Variants in WDR59 observed in about 807,000 individuals in gnomAD.
The protein encoded by WDR59 is GATOR2 complex protein WDR59.
Under a neutral mutation model 131.2 loss-of-function variants are expected in WDR59, and 100 were observed. The observed-to-expected ratio is 0.76, with a 90% CI of 0.65 to 0.90. WDR59 has a LOEUF of 0.90. WDR59 is among the 40% of genes least tolerant of loss of function. WDR59 has a pLI of 0.00. For missense variants in WDR59, 1,203 were observed against 1,262.2 expected (o/e 0.95, Z 0.71); for synonymous variants, 601 against 466.2 (o/e 1.29, Z -3.72).
intron 1 of WDR59, among the ~76,000 whole-genome samples, chr16:74,975,588 TG>T (rs2034148375): frequency 6.7e-6 from 1 of 148,620 alleles, no homozygotes; most frequent in Non-Finnish European, 1.5e-5. Flanking sequence ...TGCTTGAACC[TG>T]GGAGGTGGAG....
At position 74,918,888 on chromosome 16, in the gene WDR59, C is replaced by T. The variant is rs1028753217; in HGVS notation, c.887-880G>A. Among the ~76,000 whole-genome samples, 9 of 152,084 alleles carry T rather than the reference C, an allele frequency of 5.9e-5. 1 individual carries two copies. Among genetic ancestry groups the T allele is most frequent in the Admixed American group, 5.2e-4 (8 of 15,276 alleles). ...CCTTCTCTGCATCACCACCTTCAAC[C>T]AAAAATTCACTCTTCAATATTTCAT... is the stretch of plus-strand genomic sequence containing the variant. On this transcript the variant is annotated intron_variant, in intron 10 of 25. Transcript: ENST00000262144.
rs963625444 is a variant in WDR59, at chr16:74,955,182, A to G, written c.240+1293T>C. ...AATGCAGTGTTAATCCACTGAGTACAACAACTGAGGCGTCAGCCTAAACCC... is the reference window on the plus strand; with the variant it reads ...AATGCAGTGTTAATCCACTGAGTACGACAACTGAGGCGTCAGCCTAAACCC... On this transcript the variant is annotated intron_variant, in intron 3 of 25. Coordinates refer to ENST00000262144, the MANE Select transcript of WDR59 (RefSeq NM_030581.4). Among the ~76,000 whole-genome samples, 5 of 152,244 alleles carry G rather than the reference A, an allele frequency of 3.3e-5. No individual in the cohort carries two copies. The South Asian group carries it at 1.0e-3, about 31-fold the overall frequency.
rs1055097321 is a variant in WDR59, at chr16:74,872,146, T to A, written c.*2063A>T. The A allele has an allele frequency of 6.6e-6, 1 of 152,224 alleles. No homozygotes were observed. Among genetic ancestry groups the A allele is most frequent in the Non-Finnish European group, 1.5e-5 (1 of 68,050 alleles). The allele number at this position is 152,224 out of a possible 1,614,324, so 9.4% of individuals were successfully genotyped here. A position where few individuals can be genotyped will look rare whatever the true frequency, so the allele number is the denominator to read the frequency against. On this transcript the variant is annotated 3_prime_UTR_variant, in exon 26 of 26. Coordinates refer to ENST00000262144, the MANE Select transcript of WDR59 (RefSeq NM_030581.4). ...AGCTATGTATGGTACATTGTGATCATTTTTCTCTTACACCATTTCATTTTT... is the reference window on the plus strand; with the variant it reads ...AGCTATGTATGGTACATTGTGATCAATTTTCTCTTACACCATTTCATTTTT...
intron 7 of WDR59, among the ~76,000 whole-genome samples, chr16:74,939,597 G>A (rs1375052383): frequency 6.6e-6 from 1 of 151,384 alleles, no homozygotes; most frequent in Non-Finnish European, 1.5e-5. Context: ...ATTTGTCTCT[G>A]GGTAGTAGGA....
intron 3 of WDR59, among the ~76,000 whole-genome samples, chr16:74,954,048 A>T (rs1436013260): frequency 6.6e-6 from 1 of 151,864 alleles, no homozygotes; most frequent in Non-Finnish European, 1.5e-5. Context: ...ACATTTCTCC[A>T]AAAAAATGAC....
intron 18 of WDR59, among the ~76,000 whole-genome samples, chr16:74,897,177 T>C (rs962755387): frequency 3.9e-5 from 6 of 152,244 alleles, no homozygotes; most frequent in African/African-American, 1.4e-4. Flanking sequence ...AGTCACTTTC[T>C]GTCAGCATCG....
At chr16:74,979,115 A>T (rs928149739) in intron 1 of WDR59, 1 of 152,190 alleles carries the variant, frequency 6.6e-6, no homozygotes, top group African/African-American at 2.4e-5. Flanking sequence ...ATGGCAATTA[A>T]AATGCCATAA....
intron 12 of WDR59, 65 bp from the exon 13 acceptor site, chr16:74,916,059 G>C (rs756252260): frequency 1.2e-6 from 2 of 1,613,912 alleles, no homozygotes; most frequent in African/African-American, 2.7e-5. Flanking sequence ...AACAGGTCTG[G>C]GGTATCTGCC....
At chr16:74,981,613 CATATATAT>C (rs1162042042) in intron 1 of WDR59, among the ~76,000 whole-genome samples, 4 of 27,792 alleles carry the variant, frequency 1.4e-4, no homozygotes, top group African/African-American at 5.6e-4. Context: ...TATACATTTA[CATATATAT>C]ATATATATAT....
chr16:74,957,237 C>T (rs60595403), intron 2 of WDR59, among the ~76,000 whole-genome samples: 11,624 of 151,872 alleles, frequency 0.077, 522 homozygotes, highest in Middle Eastern at 0.13. Flanking sequence ...CCCACCATCA[C>T]GCCTAACTAA....
intron 3 of WDR59, 52 bp downstream of exon 3, chr16:74,956,422 GC>G: frequency 6.3e-7 from 1 of 1,592,490 alleles, no homozygotes; most frequent in Non-Finnish European, 8.6e-7. Flanking sequence ...AGATCTGCCA[GC>G]CCCAGATGAC....
rs367726248 is a variant in WDR59 at position 74,955,701 on chromosome 16, C to A, written c.240+774G>T. Among the ~76,000 whole-genome samples the A allele has an allele frequency of 1.2e-4, 18 of 152,250 alleles. 3 individuals are homozygous for A. Among genetic ancestry groups the A allele is most frequent in the East Asian group, 7.7e-4 (4 of 5,186 alleles). ...TCAGTTGCTTTCCTTCTGCAGACTGCCTTTCCTGACAAGAACAGACTGAGA... is the reference window on the plus strand; with the variant it reads ...TCAGTTGCTTTCCTTCTGCAGACTGACTTTCCTGACAAGAACAGACTGAGA... On this transcript the variant is annotated intron_variant, in intron 3 of 25. Transcript: ENST00000262144.
chr16:74,961,612 C>T (rs1019708454), intron 2 of WDR59, among the ~76,000 whole-genome samples: 3 of 152,056 alleles, frequency 2.0e-5, no homozygotes, highest in Admixed American at 1.3e-4. Flanking sequence ...TGTCTGTTCA[C>T]GTCCTTTGCC....
chr16:74,909,655 G>A lies in WDR59; in HGVS notation c.1488C>T (p.Asn496=). ...GGTTGCTGGAAGCGCTGTCTTCCTG[G>A]TTCTGAAATTTAAAAATCCACAAGC... ...QLVSCLESFV[N]QEDSASSNPF... The change falls in exon 16 of 26, where the codon AAC becomes AAT. Residue 496 remains asparagine, a splice_region_variant and synonymous_variant. Coordinates refer to ENST00000262144, the MANE Select transcript of WDR59 (RefSeq NM_030581.4). 1 of 1,563,098 alleles carries A rather than the reference G, an allele frequency of 6.4e-7. No homozygotes were observed. Among genetic ancestry groups the A allele is most frequent in the Non-Finnish European group, 8.6e-7 (1 of 1,157,420 alleles).
At chr16:74,921,120 G>A (rs1470744817) in intron 10 of WDR59, among the ~76,000 whole-genome samples, 3 of 151,854 alleles carry the variant, frequency 2.0e-5, no homozygotes, top group Non-Finnish European at 4.4e-5. Flanking sequence ...TAGCTTCAGG[G>A]GTTCATGTGC....
chr16:74,955,609 G>A (rs537764820), intron 3 of WDR59, among the ~76,000 whole-genome samples: 1 of 152,186 alleles, frequency 6.6e-6, no homozygotes, highest in Non-Finnish European at 1.5e-5. Flanking sequence ...ACTCTATTTT[G>A]GAAATAGCTG....
rs566930751 is a variant in WDR59, at chr16:74,881,934, T to C, written c.2689+3719A>G. On this transcript the variant is annotated intron_variant, in intron 25 of 25. Coordinates refer to ENST00000262144, the MANE Select transcript of WDR59 (RefSeq NM_030581.4). ...GAAAATACTTCTTTTACTGCTTTTG[T>C]CTGTGAGTCCATCTTTCACAATCCT... Among the ~76,000 whole-genome samples the C allele has an allele frequency of 1.4e-4, 22 of 152,176 alleles. No individual in the cohort carries two copies. In the South Asian group the frequency reaches 4.2e-3, roughly 29 times the overall value.
rs1965679884 is a variant in WDR59, at chr16:74,903,955, T to C, written c.1858A>G (p.Lys620Glu). ...EQVSISSFYYKERKSRRWKSK... is the reference protein window; with the variant it reads ...EQVSISSFYYEERKSRRWKSK... ...ACGGCTCTGGCACTTACCCGCTCCT[T>C]GTAGTAGAAGGAGCTGATGGAGACC... Residue 620 changes from lysine to glutamate, a missense_variant, in exon 18 of 26, where the codon AAG becomes GAG. Physicochemically the swap from Lys to Glu is moderately conservative, Grantham distance 56. Coordinates refer to ENST00000262144, the MANE Select transcript of WDR59 (RefSeq NM_030581.4). 6.2e-7 allele frequency: 1 copy of C among 1,607,746 alleles called. No individual in the cohort carries two copies. The highest frequency in any genetic ancestry group is 8.5e-7 in the Non-Finnish European group (1 of 1,177,844).
intron 3 of WDR59, among the ~76,000 whole-genome samples, chr16:74,952,356 C>G (rs535978312): frequency 8.8e-5 from 13 of 148,508 alleles, no homozygotes; most frequent in Admixed American, 6.9e-5. Context: ...GTGGGAGGAT[C>G]GCTTGAGCCT....
Sources: allele counts gnomAD v4.1 joint callset (sites outside exome capture counted in the v4.1 genomes callset), GRCh38; gene constraint gnomAD v4.1.1; transcripts MANE v1.5; gene names NCBI Gene and HGNC (gene_info 2026-07-23, HGNC 2026-07-21).